Variants in GTPBP10 observed in about 807,000 individuals in gnomAD.
GTPBP10 encodes the protein GTP-binding protein 10.
GTPBP10 carries 38 observed loss-of-function variants against 44.8 expected under a neutral mutation model. The observed-to-expected ratio is 0.85, with a 90% confidence interval of 0.65 to 1.11. GTPBP10 has a LOEUF of 1.11. GTPBP10 is among the 50% of genes most tolerant of loss of function. The pLI, the probability that GTPBP10 is intolerant of heterozygous loss-of-function variation, is 0.00. For missense variants in GTPBP10, 462 were observed against 453.7 expected (o/e 1.02, Z -0.17); for synonymous variants, 152 against 150.6 (o/e 1.01, Z -0.07).
rs1796513151 is a variant in GTPBP10 at position 90,385,691 on chromosome 7, T to TA, written c.*538dup. 2 of 152,156 alleles carry TA rather than the reference T, an allele frequency of 1.3e-5. No individual in the cohort carries two copies. The highest frequency in any genetic ancestry group is 2.4e-5 in the African/African-American group (1 of 41,440). The allele number at this position is 152,156 out of a possible 1,614,324, so 9.4% of individuals were successfully genotyped here. On this transcript the variant is annotated 3_prime_UTR_variant, in exon 10 of 10. Transcript: ENST00000222511. ...TTTTTTTAGTATTATTACCTTCTGA[T>TA]ATATGTGTCATTATTGAAGAACCAT...
chr7:90,360,828 G>T (rs1489997797), intron 4 of GTPBP10, among the ~76,000 whole-genome samples: 1 of 152,124 alleles, frequency 6.6e-6, no homozygotes, highest in Non-Finnish European at 1.5e-5. Flanking sequence ...GCAGTGGTTT[G>T]TGGTTCTTGA....
intron 4 of GTPBP10, among the ~76,000 whole-genome samples, chr7:90,362,604 A>G (rs1397320027): frequency 6.6e-6 from 1 of 152,144 alleles, no homozygotes; most frequent in Admixed American, 6.5e-5. Flanking sequence ...AAGAATGTAT[A>G]TTCTGTTGAT....
chr7:90,378,980 G>A (rs541321064), intron 8 of GTPBP10, among the ~76,000 whole-genome samples: 1 of 152,336 alleles, frequency 6.6e-6, no homozygotes, highest in African/African-American at 2.4e-5. Context: ...TGGGATTACA[G>A]GTGTGGGCCA....
At chr7:90,356,144 A>T (rs1320711555) in intron 4 of GTPBP10, among the ~76,000 whole-genome samples, 1 of 151,780 alleles carries the variant, frequency 6.6e-6, no homozygotes, top group East Asian at 1.9e-4. Flanking sequence ...CAGTCATCTC[A>T]CTGCTTCTTT....
intron 6 of GTPBP10, among the ~76,000 whole-genome samples, chr7:90,374,992 T>A (rs1051155019): frequency 2.6e-5 from 4 of 152,152 alleles, no homozygotes; most frequent in Admixed American, 2.0e-4. Flanking sequence ...TTTCAGTAGG[T>A]GAATGGGTAA....
At chr7:90,380,074 CTTT>C (rs58735928) in intron 8 of GTPBP10, among the ~76,000 whole-genome samples, 14 of 104,360 alleles carry the variant, frequency 1.3e-4, no homozygotes, top group African/African-American at 4.1e-4. Context: ...AGTCCCTTCT[CTTT>C]TTTTTTTTTT....
At chr7:90,381,207 A>G (rs1348614982) in intron 8 of GTPBP10, among the ~76,000 whole-genome samples, 1 of 152,188 alleles carries the variant, frequency 6.6e-6, no homozygotes, top group African/African-American at 2.4e-5. Flanking sequence ...AGAAATCTTT[A>G]TACTGCTTTT....
Position 90,385,219 on chromosome 7 carries a change from T to C in GTPBP10, c.*65T>C. 8.7e-7 allele frequency: 1 copy of C among 1,149,776 alleles called. No homozygotes were observed. Among genetic ancestry groups the C allele is most frequent in the Non-Finnish European group, 1.2e-6 (1 of 822,926 alleles). 71.2% of individuals were successfully genotyped at this position (1,149,776 alleles called of 1,614,324 possible). A position where few individuals can be genotyped will look rare whatever the true frequency, so the allele number is the denominator to read the frequency against. ...TTAAAAACAAGGAAATCCTTTCATCTGTGACAACCTGGAGGACATGTTAAG... is the reference window on the plus strand; with the variant it reads ...TTAAAAACAAGGAAATCCTTTCATCCGTGACAACCTGGAGGACATGTTAAG... On this transcript the variant is annotated 3_prime_UTR_variant, in exon 10 of 10. Coordinates refer to ENST00000222511, the MANE Select transcript of GTPBP10 (RefSeq NM_033107.4).
rs184976483 is a variant in GTPBP10, at chr7:90,367,490, A to G, written c.465-4665A>G. On this transcript the variant is annotated intron_variant, in intron 4 of 9. Coordinates refer to ENST00000222511, the MANE Select transcript of GTPBP10 (RefSeq NM_033107.4). ...TGTATTGGGTGCATACCTATTTAGG[A>G]TAGTTAGCTCTTCTTGTTGAATTGA... Among the ~76,000 whole-genome samples, 314 of 152,304 alleles carry G rather than the reference A, an allele frequency of 2.1e-3. 1 individual carries two copies. The highest frequency in any genetic ancestry group is 7.1e-3 in the African/African-American group (294 of 41,562).
At position 90,359,308 on chromosome 7, in the gene GTPBP10, C is replaced by G. The variant is rs569785079; in HGVS notation, c.464+4078C>G. On this transcript the variant is annotated intron_variant, in intron 4 of 9. Transcript: ENST00000222511. ...TATCCCTCCCCCAGACCCCCACCCC[C>G]TGACAGGCCCTGGTGTGATGTTCCC... Among the ~76,000 whole-genome samples the G allele has an allele frequency of 6.6e-5, 10 of 152,202 alleles. No individual in the cohort carries two copies. In the South Asian group the frequency reaches 2.1e-3, roughly 32 times the overall value.
Position 90,354,645 on chromosome 7 carries a change from A to C in GTPBP10, c.319+96A>C, listed in dbSNP as rs1795859440. 1.4e-5 allele frequency: 9 copies of C among 646,752 alleles called. No individual in the cohort carries two copies. The South Asian group carries it at 2.0e-4, about 15-fold the overall frequency. The allele number at this position is 646,752 out of a possible 1,614,324, so 40.1% of individuals were successfully genotyped here. A position where few individuals can be genotyped will look rare whatever the true frequency, so the allele number is the denominator to read the frequency against. ...CTCTTGAGTTTCAGAAGATTTTTTA[A>C]CTAACAATTTTAGCTACTATTCTAT... On this transcript the variant is annotated intron_variant, in intron 3 of 9. Transcript: ENST00000222511.
rs368507590 is a variant in GTPBP10, at chr7:90,354,561, A to G, written c.319+12A>G. ...TGGTAAAATTATAGGTGAGTGTACT[A>G]TAACTCCAAAAGTTGTAAAAATGTG... On this transcript the variant is annotated intron_variant, in intron 3 of 9. Coordinates refer to ENST00000222511, the MANE Select transcript of GTPBP10 (RefSeq NM_033107.4). The G allele has an allele frequency of 1.9e-5, 27 of 1,385,920 alleles. No homozygotes were observed. Among genetic ancestry groups the G allele is most frequent in the African/African-American group, 7.4e-5 (5 of 67,952 alleles). 85.9% of individuals were successfully genotyped at this position (1,385,920 alleles called of 1,614,324 possible).
At chr7:90,381,406 T>C (rs1796433667) in intron 8 of GTPBP10, among the ~76,000 whole-genome samples, 1 of 152,220 alleles carries the variant, frequency 6.6e-6, no homozygotes, top group Admixed American at 6.5e-5. Flanking sequence ...CATTTTTTCA[T>C]ACATATATTG....
intron 5 of GTPBP10, among the ~76,000 whole-genome samples, chr7:90,373,233 A>G (rs933720425): frequency 6.6e-6 from 1 of 152,212 alleles, no homozygotes; most frequent in Non-Finnish European, 1.5e-5. Context: ...TTTATATCTT[A>G]AGAGCAATTG....
chr7:90,378,561 T>C (rs541233898), intron 8 of GTPBP10, among the ~76,000 whole-genome samples: 30 of 152,316 alleles, frequency 2.0e-4, no homozygotes, highest in African/African-American at 6.5e-4. Context: ...TCCGTCTACT[T>C]TTTAGGCTCT....
At chr7:90,381,288 C>G (rs1051326610) in intron 8 of GTPBP10, among the ~76,000 whole-genome samples, 9 of 152,190 alleles carry the variant, frequency 5.9e-5, no homozygotes, top group Admixed American at 5.9e-4. Context: ...ATATCCTTGA[C>G]AACACTTGTT....
At chr7:90,382,272 T>G (rs541715918) in intron 8 of GTPBP10, among the ~76,000 whole-genome samples, 2 of 152,338 alleles carry the variant, frequency 1.3e-5, no homozygotes, top group Admixed American at 1.3e-4. Context: ...TTTTCTTTCC[T>G]TTTTTAAAAT....
intron 7 of GTPBP10, among the ~76,000 whole-genome samples, 173 bp downstream of exon 7, chr7:90,377,787 A>G (rs1236868744): frequency 1.3e-5 from 2 of 152,176 alleles, no homozygotes; most frequent in Non-Finnish European, 2.9e-5. Flanking sequence ...AAGTTTGGCC[A>G]TACTTGCCAA....
Position 90,389,968 on chromosome 7 carries a change from T to G in GTPBP10, c.*4814T>G, listed in dbSNP as rs565933298. On this transcript the variant is annotated 3_prime_UTR_variant, in exon 10 of 10. Coordinates refer to ENST00000222511, the MANE Select transcript of GTPBP10 (RefSeq NM_033107.4). ...ATACCTGGCTAATTTTTAAAAACTA[T>G]TTTGTAGAGACAGGGTCTTACTATG... is the stretch of plus-strand genomic sequence containing the variant. The G allele has an allele frequency of 1.3e-5, 2 of 152,170 alleles. No individual in the cohort carries two copies. Among genetic ancestry groups the G allele is most frequent in the Admixed American group, 1.3e-4 (2 of 15,278 alleles). 9.4% of individuals were successfully genotyped at this position (152,170 alleles called of 1,614,324 possible).
Sources: allele counts gnomAD v4.1 joint callset (sites outside exome capture counted in the v4.1 genomes callset), GRCh38; gene constraint gnomAD v4.1.1; transcripts MANE v1.5; gene names NCBI Gene and HGNC (gene_info 2026-07-23, HGNC 2026-07-21).